The following SPEG variants were observed in gnomAD, a reference collection of about 807,000 sequenced individuals.
SPEG encodes striated muscle preferentially expressed protein kinase.
Under a neutral mutation model 300.4 loss-of-function variants are expected in SPEG, and 114 were observed. That is an observed-to-expected ratio of 0.38 (90% confidence interval 0.33 to 0.44). The LOEUF is 0.44. SPEG is among the 20% of genes least tolerant of loss of function. The probability of loss-of-function intolerance (pLI) is 1.00; values close to 1 mark genes in which losing one functional copy is unlikely to be tolerated. For missense variants in SPEG, 4,201 were observed against 4,586.2 expected (o/e 0.92, Z 2.43); for synonymous variants, 1,964 against 2,018.9 (o/e 0.97, Z 0.73).
chr2:219,442,558 G>A (rs1419505539), intron 1 of SPEG, among the ~76,000 whole-genome samples: 1 of 149,926 alleles, frequency 6.7e-6, no homozygotes, highest in African/African-American at 2.5e-5. Context: ...CCTGTCCTCC[G>A]CGCACCTGGG....
In SPEG at chr2:219,466,220, C is replaced by A. The variant is rs373077264; in HGVS notation, c.2882-954C>A. On this transcript the variant is annotated intron_variant, in intron 9 of 40. Transcript: ENST00000312358. Reference sequence around the variant, plus strand: ...AGCCTCCCCTCCCCACCCCATGCAGCCCCCAGGGGGATAGCCCATGGGCCC... The same window carrying A: ...AGCCTCCCCTCCCCACCCCATGCAGACCCCAGGGGGATAGCCCATGGGCCC... The A allele has an allele frequency of 9.6e-5, 139 of 1,455,448 alleles. No homozygotes were observed. The African/African-American group carries it at 1.9e-3, about 20-fold the overall frequency. The allele number at this position is 1,455,448 out of a possible 1,614,324, so 90.2% of individuals were successfully genotyped here. A position where few individuals can be genotyped will look rare whatever the true frequency, so the allele number is the denominator to read the frequency against.
intron 22 of SPEG, among the ~76,000 whole-genome samples, chr2:219,478,789 C>A (rs1252886728): frequency 3.3e-5 from 5 of 152,162 alleles, no homozygotes; most frequent in Non-Finnish European, 7.3e-5. Context: ...AAGTTCCATC[C>A]ACAGTCAACA....
At chr2:219,478,997 G>T in intron 22 of SPEG, 147 bp from the exon 23 acceptor site, 1 of 686,700 alleles carries the variant, frequency 1.5e-6, no homozygotes. Flanking sequence ...GGGGGTACAC[G>T]TGGAGGAGCG....
intron 9 of SPEG, among the ~76,000 whole-genome samples, 161 bp from the exon 10 acceptor site, chr2:219,467,013 C>G (rs940809213): frequency 4.6e-5 from 7 of 152,192 alleles, no homozygotes; most frequent in Non-Finnish European, 8.8e-5. Context: ...CTGGGCATGC[C>G]TTGCTGTCCT....
rs1691346796 is a variant in SPEG, at chr2:219,466,272, C to T, written c.2882-902C>T. On this transcript the variant is annotated intron_variant, in intron 9 of 40. Coordinates refer to ENST00000312358, the MANE Select transcript of SPEG (RefSeq NM_005876.5). ...TGTGGACCCTCCCTCCCCAAGTGGA[C>T]ACATGGCTGTGCAGGCCAGGAGGCC... 4 of 1,428,034 alleles carry T rather than the reference C, an allele frequency of 2.8e-6. No individual in the cohort carries two copies. The Admixed American group carries it at 9.1e-5, about 32-fold the overall frequency. The allele number at this position is 1,428,034 out of a possible 1,614,324, so 88.5% of individuals were successfully genotyped here.
At chr2:219,447,878 GC>G in intron 3 of SPEG, 95 bp from the exon 4 acceptor site, 2 of 1,189,408 alleles carry the variant, frequency 1.7e-6, no homozygotes, top group Non-Finnish European at 2.4e-6. Context: ...CCCCAAGCCT[GC>G]CCAGCATGCC....
In SPEG at chr2:219,464,731, G is replaced by A; in HGVS notation, c.2881+123G>A. ...CTGAAAGGGCCTTAAGGGGCCCCTAGTCCAGCTGCTTATATTATTGTTGAG... is the reference window on the plus strand; with the variant it reads ...CTGAAAGGGCCTTAAGGGGCCCCTAATCCAGCTGCTTATATTATTGTTGAG... On this transcript the variant is annotated intron_variant, in intron 9 of 40. Coordinates refer to ENST00000312358, the MANE Select transcript of SPEG (RefSeq NM_005876.5). This position sits in a 1 kb window ranked among gnomAD's most constrained non-coding sequence, Gnocchi z 4.5. 1 of 861,856 alleles carries A rather than the reference G, an allele frequency of 1.2e-6. No homozygotes were observed. Among genetic ancestry groups the A allele is most frequent in the Non-Finnish European group, 1.8e-6 (1 of 557,796 alleles). The allele number at this position is 861,856 out of a possible 1,614,324, so 53.4% of individuals were successfully genotyped here.
chr2:219,477,738 A>G lies in SPEG; in HGVS notation c.4779A>G (p.Arg1593=). 1.2e-6 allele frequency: 2 copies of G among 1,608,974 alleles called. No homozygotes were observed. Among genetic ancestry groups the G allele is most frequent in the Non-Finnish European group, 1.7e-6 (2 of 1,176,690 alleles). Residue 1593 remains arginine, a synonymous_variant, in exon 21 of 41, where the codon CGA becomes CGG. Coordinates refer to ENST00000312358, the MANE Select transcript of SPEG (RefSeq NM_005876.5). The surrounding 1 kb of genome is among the most constrained non-coding windows in gnomAD (Gnocchi z 6.4). ...GGGTCGGGGAGGATGAGGACCATCG[A>G]GGAAGGAGACTCAGCGACTTTTATG... ...VEGVGEDEDH[R]GRRLSDFYDI...
At chr2:219,476,814 G>A in intron 18 of SPEG, 56 bp from the exon 19 acceptor site, 2 of 1,405,686 alleles carry the variant, frequency 1.4e-6, no homozygotes, top group South Asian at 1.2e-5. Flanking sequence ...TGAGGAGGCA[G>A]GGTAAAGCCA....
At position 219,489,825 on chromosome 2, in the gene SPEG, A is replaced by G. The variant is rs757784994; in HGVS notation, c.8807A>G (p.Lys2936Arg). 1.2e-6 allele frequency: 2 copies of G among 1,613,538 alleles called. No individual in the cohort carries two copies. Among genetic ancestry groups the G allele is most frequent in the Non-Finnish European group, 1.7e-6 (2 of 1,179,874 alleles). The change falls in exon 36 of 41, where the codon AAG (lysine) becomes AGG (arginine). Residue 2936 changes from lysine to arginine, a missense_variant. This residue lies in a region of SPEG where 1,578 missense variants were observed against 1,506.0 expected (regional missense o/e 1.05). Transcript: ENST00000312358. ...ACTGTGCAGAGCCTCAGCCCGGCCA[A>G]GGAGGTGGTCAGCTCCCCTGGGAGC... ...KVTVQSLSPA[K>R]EVVSSPGSSP...
chr2:219,462,368 C>T lies in SPEG; in HGVS notation c.2687C>T (p.Pro896Leu). The T allele has an allele frequency of 1.3e-6, 2 of 1,561,984 alleles. No individual in the cohort carries two copies. The highest frequency in any genetic ancestry group is 1.4e-5 in the African/African-American group (1 of 73,652). Residue 896 changes from proline to leucine, a missense_variant, in exon 8 of 41, where the codon CCC (proline) becomes CTC (leucine). Pro to Leu is a moderately conservative substitution (Grantham distance 98, BLOSUM62 -3). Transcript: ENST00000312358. ...ATGAGCATCCGCGTGCAGGGGGAGCCCAAGCCTGTGGTCTCCTGGTGAGTA... is the reference window on the plus strand; with the variant it reads ...ATGAGCATCCGCGTGCAGGGGGAGCTCAAGCCTGTGGTCTCCTGGTGAGTA... ...VIMSIRVQGE[P>L]KPVVSWLRNR...
rs1559424095 is a variant in SPEG at position 219,484,893 on chromosome 2, CG to C, written c.7436del (p.Gly2479AlafsTer140). On this transcript the variant is annotated frameshift_variant, in exon 30 of 41. Transcript: ENST00000312358. LOFTEE classifies it high-confidence loss of function. ...RLQRSGSSED[S>X]GGASGRSTPL... ...CAGCGCAGTGGCAGCAGCGAGGACT[CG>C]GGGGGCGCGTCGGGCCGCAGCACGC... 1.3e-6 allele frequency: 2 copies of C among 1,525,784 alleles called. No individual in the cohort carries two copies. Among genetic ancestry groups the C allele is most frequent in the African/African-American group, 1.4e-5 (1 of 71,176 alleles). 94.5% of individuals were successfully genotyped at this position (1,525,784 alleles called of 1,614,324 possible). A position where few individuals can be genotyped will look rare whatever the true frequency, so the allele number is the denominator to read the frequency against.
At chr2:219,486,899 G>A (rs2125576977) in intron 31 of SPEG, among the ~76,000 whole-genome samples, 1 of 152,230 alleles carries the variant, frequency 6.6e-6, no homozygotes, top group South Asian at 2.1e-4. Flanking sequence ...ACCTCAGTGT[G>A]GGACCCCTCC....
chr2:219,484,145 C>T lies in SPEG; in HGVS notation c.6682C>T (p.Pro2228Ser), dbSNP rs374066223. The change falls in exon 30 of 41, where the codon CCT (proline) becomes TCT (serine). Residue 2228 changes from proline to serine, a missense_variant. Pro to Ser is a moderately conservative substitution (Grantham distance 74). Around this residue, in one of 4 missense-constraint regions of SPEG, gnomAD observed 1,578 missense variants for 1,506.0 expected, o/e 1.05. Transcript: ENST00000312358. Reference sequence around the variant, plus strand: ...GCCAGAACCAGTCCGAGCCTCCAAGCCTGCACCACCCCCCCAGGCCCTGCA... The same window carrying T: ...GCCAGAACCAGTCCGAGCCTCCAAGTCTGCACCACCCCCCCAGGCCCTGCA... ...PRPEPVRASK[P>S]APPPQALQTL... The T allele has an allele frequency of 6.2e-7, 1 of 1,613,576 alleles. No individual in the cohort carries two copies. The highest frequency in any genetic ancestry group is 1.3e-5 in the African/African-American group (1 of 74,910).
Position 219,489,824 on chromosome 2 carries a change from A to G in SPEG, c.8806A>G (p.Lys2936Glu), listed in dbSNP as rs747386476. The change falls in exon 36 of 41, where the codon AAG becomes GAG. Residue 2936 changes from lysine to glutamate, a missense_variant. By Grantham distance (56) the Lys-to-Glu change is moderately conservative (BLOSUM62 1). Coordinates refer to ENST00000312358, the MANE Select transcript of SPEG (RefSeq NM_005876.5). ...KVTVQSLSPA[K>E]EVVSSPGSSP... ...GACTGTGCAGAGCCTCAGCCCGGCC[A>G]AGGAGGTGGTCAGCTCCCCTGGGAG... 27 of 1,613,306 alleles carry G rather than the reference A, an allele frequency of 1.7e-5. 1 individual carries two copies. The South Asian group carries it at 2.7e-4, about 16-fold the overall frequency.
intron 39 of SPEG, 99 bp downstream of exon 39, chr2:219,491,968 T>A: frequency 7.4e-7 from 1 of 1,343,566 alleles, no homozygotes; most frequent in Non-Finnish European, 1.0e-6. Flanking sequence ...CCACCTCCCC[T>A]GTACACACAT....
chr2:219,462,654 C>A (rs145563653), intron 8 of SPEG, among the ~76,000 whole-genome samples: 2 of 152,224 alleles, frequency 1.3e-5, no homozygotes, highest in Non-Finnish European at 2.9e-5. Context: ...CGGTGGCTCA[C>A]GCCTGTAATC....
chr2:219,446,542 CCA>C (rs1272907559), intron 3 of SPEG, among the ~76,000 whole-genome samples: 1 of 152,134 alleles, frequency 6.6e-6, no homozygotes, highest in Non-Finnish European at 1.5e-5. Context: ...CCTTTTAGCC[CCA>C]GTCAGAGGTG....
Position 219,484,351 on chromosome 2 carries a change from A to T in SPEG, c.6888A>T (p.Ser2296=), listed in dbSNP as rs768719984. Residue 2296 remains serine, a synonymous_variant, in exon 30 of 41, where the codon TCA becomes TCT. Transcript: ENST00000312358. ...PPGAPEKRVP[S]AGGPPVLAEK... The stretch of plus-strand genomic sequence containing the variant: ...GAGCCCCCGAGAAGCGCGTGCCCTC[A>T]GCCGGGGGTCCCCCGGTGCTAGCCG... 89 of 1,604,714 alleles carry T rather than the reference A, an allele frequency of 5.5e-5. No individual in the cohort carries two copies. The highest frequency in any genetic ancestry group is 4.3e-4 in the South Asian group (39 of 90,860).
Sources: gnomAD v4.1 joint callset for allele counts (sites outside exome capture counted in the v4.1 genomes callset) on GRCh38, gnomAD v4.1.1 for gene constraint, gnomAD v4.1.1 regional missense constraint, Gnocchi (gnomAD v3.1) non-coding constraint, MANE v1.5 for transcripts, NCBI Gene and HGNC (gene_info 2026-07-23, HGNC 2026-07-21) for gene names.